The following PTPRM variants were observed in gnomAD, a reference collection of about 807,000 sequenced individuals.
The protein encoded by PTPRM is protein tyrosine phosphatase receptor type M.
PTPRM carries 47 observed loss-of-function variants against 186.7 expected under a neutral mutation model. The ratio of observed to expected loss-of-function variants is 0.25; its 90% CI spans 0.20 to 0.32. The LOEUF is 0.32. Among genes scored for constraint, PTPRM ranks in the 10% least tolerant of loss-of-function variants. The pLI, the probability that PTPRM is intolerant of heterozygous loss-of-function variation, is 1.00. For missense variants in PTPRM, 1,494 were observed against 1,865.0 expected, an observed-to-expected ratio of 0.80 and a Z score of 3.66; for synonymous variants, 668 against 674.9, an observed-to-expected ratio of 0.99 and a Z score of 0.16.
rs574664565 is a variant in PTPRM at position 7,927,650 on chromosome 18, A to G, written c.663+967A>G. Among the ~76,000 whole-genome samples, 242 of 152,108 alleles carry G rather than the reference A, an allele frequency of 1.6e-3. 2 individuals are homozygous for G. The highest frequency in any genetic ancestry group is 0.015 in the South Asian group (71 of 4,812). The stretch of plus-strand genomic sequence containing the variant: ...CTCTCCACCTCCTGTCATGCCTCGC[A>G]GTGTAATTATGATTGTGATTGGAGA... On this transcript the variant is annotated intron_variant, in intron 5 of 32. Transcript: ENST00000580170.
intron 7 of PTPRM, among the ~76,000 whole-genome samples, chr18:8,013,216 T>A (rs2084648035): frequency 6.6e-6 from 1 of 152,170 alleles, no homozygotes; most frequent in Non-Finnish European, 1.5e-5. Context: ...AAAATAAAAA[T>A]TTTCAAATTG....
chr18:7,977,772 T>A (rs201122611), intron 7 of PTPRM, among the ~76,000 whole-genome samples: 1 of 151,586 alleles, frequency 6.6e-6, no homozygotes, highest in African/African-American at 2.4e-5. Flanking sequence ...GCTTTGTGCA[T>A]GCTTTGCTTT....
intron 1 of PTPRM, among the ~76,000 whole-genome samples, chr18:7,765,010 C>G (rs1654848594): frequency 6.6e-6 from 1 of 152,098 alleles, no homozygotes; most frequent in South Asian, 2.1e-4. Context: ...AATAGTAGCT[C>G]TATGAGGTGT....
Position 7,964,558 on chromosome 18 carries a change from G to T in PTPRM, c.1132+9144G>T, listed in dbSNP as rs145837830. Among the ~76,000 whole-genome samples, 123 of 152,194 alleles carry T rather than the reference G, an allele frequency of 8.1e-4. 1 individual carries two copies. The highest frequency in any genetic ancestry group is 1.3e-3 in the Non-Finnish European group (90 of 68,002). ...GGAAAACTTGTTAGCAGAGTACTTT[G>T]GTCACCTGGTGGCTCCCGAATGAAT... is the stretch of plus-strand genomic sequence containing the variant. On this transcript the variant is annotated intron_variant, in intron 7 of 32. Coordinates refer to ENST00000580170, the MANE Select transcript of PTPRM (RefSeq NM_001105244.2).
chr18:8,061,412 A>G (rs1332692670), intron 7 of PTPRM, among the ~76,000 whole-genome samples: 1 of 142,824 alleles, frequency 7.0e-6, no homozygotes, highest in East Asian at 2.0e-4. Flanking sequence ...CTTAGATCCA[A>G]CTTGCCAGTG....
intron 1 of PTPRM, among the ~76,000 whole-genome samples, chr18:7,706,843 A>T (rs1053363391): frequency 3.9e-5 from 6 of 152,126 alleles, no homozygotes; most frequent in African/African-American, 1.4e-4. Context: ...GCAGTGAGTT[A>T]GGATTTTTAA....
rs1178603481 is a variant in PTPRM, at chr18:8,125,976, CAT to C, written c.2167+11200_2167+11201del. On this transcript the variant is annotated intron_variant, in intron 13 of 32. Transcript: ENST00000580170. ...GGAGAATGCTATATGTGTGTGTATA[CAT>C]ATATATATATATATATATATATATA... Among the ~76,000 whole-genome samples, 394 of 59,624 alleles carry C rather than the reference CAT, an allele frequency of 6.6e-3. 4 individuals carry two copies. Among genetic ancestry groups the C allele is most frequent in the Middle Eastern group, 0.011 (1 of 92 alleles). The allele number at this position is 59,624 out of a possible 152,430, so 39.1% of individuals were successfully genotyped here. A position where few individuals can be genotyped will look rare whatever the true frequency, so the allele number is the denominator to read the frequency against.
intron 19 of PTPRM, among the ~76,000 whole-genome samples, chr18:8,264,570 ACCAT>A (rs1406211589): frequency 6.6e-6 from 1 of 152,096 alleles, no homozygotes; most frequent in Non-Finnish European, 1.5e-5. Context: ...GGAGATCGAG[ACCAT>A]CCTGGCCAAC....
chr18:7,853,563 A>G (rs887585342), intron 2 of PTPRM, among the ~76,000 whole-genome samples: 6 of 152,224 alleles, frequency 3.9e-5, no homozygotes, highest in African/African-American at 1.2e-4. Context: ...TATTTCACTC[A>G]TGCATCAAAA....
rs141155105 is a variant in PTPRM, at chr18:7,944,284, A to C, written c.664-4897A>C. 1.6e-4 allele frequency among the ~76,000 whole-genome samples: 25 copies of C among 152,232 alleles called. No homozygotes were observed. The East Asian group carries it at 4.6e-3, about 28-fold the overall frequency. On this transcript the variant is annotated intron_variant, in intron 5 of 32. Coordinates refer to ENST00000580170, the MANE Select transcript of PTPRM (RefSeq NM_001105244.2). ...GAAAGATGTTACTGCAGTAGAGTAC[A>C]TGTTGTGTTGATTTCATTTTCTAGA...
At position 7,719,071 on chromosome 18, in the gene PTPRM, A is replaced by G. The variant is rs2040398323; in HGVS notation, c.74-55078A>G. Among the ~76,000 whole-genome samples, 4 of 152,218 alleles carry G rather than the reference A, an allele frequency of 2.6e-5. No homozygotes were observed. In the South Asian group the frequency reaches 6.2e-4, roughly 24 times the overall value. ...GTATTTACCTAATGGAAAAGAAGTC[A>G]TTATATGAAAAGACACTTGCACATG... On this transcript the variant is annotated intron_variant, in intron 1 of 32. Transcript: ENST00000580170.
chr18:8,286,074 G>A (rs1194721475), intron 19 of PTPRM, among the ~76,000 whole-genome samples: 2 of 152,178 alleles, frequency 1.3e-5, no homozygotes, highest in East Asian at 3.8e-4. Flanking sequence ...CAATAACAGA[G>A]GGAAGTGGTG....
At chr18:7,954,271 C>A (rs1343635356) in intron 6 of PTPRM, among the ~76,000 whole-genome samples, 1 of 152,154 alleles carries the variant, frequency 6.6e-6, no homozygotes, top group African/African-American at 2.4e-5. Context: ...CTAGTGATTT[C>A]TTAGTTTTAT....
chr18:8,071,773 C>T (rs946619351), intron 8 of PTPRM, among the ~76,000 whole-genome samples: 2 of 152,202 alleles, frequency 1.3e-5, no homozygotes, highest in Non-Finnish European at 2.9e-5. Flanking sequence ...AGCTGAAGCT[C>T]TCCTCACATT....
At chr18:7,823,652 A>G (rs1472042369) in intron 2 of PTPRM, among the ~76,000 whole-genome samples, 1 of 152,194 alleles carries the variant, frequency 6.6e-6, no homozygotes, top group East Asian at 1.9e-4. Flanking sequence ...TCCAGTCTTC[A>G]TCTTTCTCCC....
chr18:7,953,814 G>T (rs1044886322), intron 6 of PTPRM, among the ~76,000 whole-genome samples: 1 of 152,176 alleles, frequency 6.6e-6, no homozygotes, highest in Non-Finnish European at 1.5e-5. Flanking sequence ...GATTAGCTAT[G>T]TCTGCCATGC....
At chr18:7,735,157 C>A (rs1326823913) in intron 1 of PTPRM, among the ~76,000 whole-genome samples, 1 of 152,132 alleles carries the variant, frequency 6.6e-6, no homozygotes, top group East Asian at 1.9e-4. Context: ...TGGCTCATGC[C>A]TGTAATCTCA....
At chr18:8,063,940 A>C (rs763742700) in intron 7 of PTPRM, among the ~76,000 whole-genome samples, 6 of 152,130 alleles carry the variant, frequency 3.9e-5, no homozygotes, top group Admixed American at 1.3e-4. Context: ...ACCTAACACC[A>C]CTAGGGAGTG....
intron 2 of PTPRM, among the ~76,000 whole-genome samples, chr18:7,874,685 T>C (rs886075437): frequency 3.9e-5 from 6 of 152,160 alleles, no homozygotes; most frequent in African/African-American, 1.4e-4. Context: ...AACGAAATAG[T>C]GTACTCAGTA....
Sources: allele counts gnomAD v4.1 joint callset (sites outside exome capture counted in the v4.1 genomes callset), GRCh38; gene constraint gnomAD v4.1.1; transcripts MANE v1.5; gene names NCBI Gene and HGNC (gene_info 2026-07-23, HGNC 2026-07-21).